Variants in MID2 observed in about 807,000 individuals in gnomAD.
MID2 encodes the protein probable E3 ubiquitin-protein ligase MID2.
A neutral mutation model predicts 46.1 loss-of-function variants in MID2; 13 were observed. That is an observed-to-expected ratio of 0.28 (90% CI 0.18 to 0.45). The LOEUF (loss-of-function observed/expected upper bound fraction) is 0.45. Among genes scored for constraint, MID2 ranks in the 20% least tolerant of loss-of-function variants. The pLI, the probability that MID2 is intolerant of heterozygous loss-of-function variation, is 1.00. For missense variants in MID2, 431 were observed against 575.4 expected, an observed-to-expected ratio of 0.75 and a Z score of 2.57; for synonymous variants, 199 against 212.3, an observed-to-expected ratio of 0.94 and a Z score of 0.55.
At chrX:107,924,587 C>A in intron 8 of MID2, 83 bp downstream of exon 8, 1 of 999,332 alleles carries the variant, frequency 1.0e-6, no homozygotes, top group South Asian at 2.1e-5. Flanking sequence ...GCACTCACAG[C>A]AGTGCATGGG....
At chrX:107,837,720 G>T (rs750385198) in intron 1 of MID2, among the ~76,000 whole-genome samples, 1 of 111,261 alleles carries the variant, frequency 9.0e-6, no homozygotes, top group Non-Finnish European at 1.9e-5. Flanking sequence ...TGTGCTCTGG[G>T]TATGTATGTT....
rs1933207931 is a variant in MID2, at chrX:107,927,688, T to TCATGG, written c.*615_*616insCATGG. On this transcript the variant is annotated 3_prime_UTR_variant, in exon 10 of 10. Coordinates refer to ENST00000262843, the MANE Select transcript of MID2 (RefSeq NM_012216.4). ...TATTACATATACACAAAAAACTTTT[T>TCATGG]TTTCCAAACACCACCTCGAACTAGA... Among the ~76,000 whole-genome samples the TCATGG allele has an allele frequency of 8.9e-6, 1 of 112,052 alleles. No homozygotes were observed. Among genetic ancestry groups the TCATGG allele is most frequent in the Non-Finnish European group, 1.9e-5 (1 of 53,175 alleles).
chrX:107,903,216 C>T (rs1445661491), intron 3 of MID2, among the ~76,000 whole-genome samples: 2 of 111,250 alleles, frequency 1.8e-5, no homozygotes, highest in African/African-American at 3.3e-5. Context: ...CCCAAAATCC[C>T]CTGCTCTCAT....
chrX:107,842,825 A>G (rs991054120), intron 2 of MID2, among the ~76,000 whole-genome samples: 1 of 112,072 alleles, frequency 8.9e-6, no homozygotes, highest in Admixed American at 9.5e-5. Context: ...GACTTGGTCT[A>G]GTCGAAGCGC....
chrX:107,913,176 C>T (rs999948242), intron 5 of MID2, among the ~76,000 whole-genome samples: 4 of 111,906 alleles, frequency 3.6e-5, no homozygotes, highest in African/African-American at 1.3e-4. Flanking sequence ...ATTTCACAAA[C>T]ATGATATGCT....
rs1201720928 is a variant in MID2, at chrX:107,929,979, A to G, written c.*2906A>G. On this transcript the variant is annotated 3_prime_UTR_variant, in exon 10 of 10. Transcript: ENST00000262843. The stretch of plus-strand genomic sequence containing the variant: ...TTCCCACTCCTGACCTAACCAGAAT[A>G]TCTGAGAACATAGGCAGGAATTTAC... 1.8e-5 allele frequency among the ~76,000 whole-genome samples: 2 copies of G among 112,040 alleles called. No individual in the cohort carries two copies. The highest frequency in any genetic ancestry group is 5.6e-4 in the East Asian group (2 of 3,580).
intron 3 of MID2, chrX:107,895,900 G>A (rs187780069): frequency 8.9e-6 from 1 of 112,021 alleles, no homozygotes; most frequent in Admixed American, 9.4e-5. Context: ...TGATGGAGTA[G>A]GAATCGATTA....
intron 6 of MID2, among the ~76,000 whole-genome samples, chrX:107,917,090 G>A (rs766765757): frequency 1.7e-4 from 19 of 111,973 alleles, no homozygotes; most frequent in African/African-American, 3.9e-4. Flanking sequence ...GCAGTGAGCC[G>A]AGATTGCGCC....
At chrX:107,905,009 A>G (rs1361188029) in intron 4 of MID2, among the ~76,000 whole-genome samples, 1 of 112,163 alleles carries the variant, frequency 8.9e-6, no homozygotes, top group Non-Finnish European at 1.9e-5. Context: ...AGAAATATGT[A>G]CATAGAACTG....
At chrX:107,897,088 T>C (rs1001195297) in intron 3 of MID2, among the ~76,000 whole-genome samples, 1 of 111,704 alleles carries the variant, frequency 9.0e-6, no homozygotes, top group African/African-American at 3.3e-5. Context: ...AAGTATTAAC[T>C]CTTATGTACT....
chrX:107,889,135 T>C (rs1932534569), intron 3 of MID2, among the ~76,000 whole-genome samples: 1 of 111,426 alleles, frequency 9.0e-6, no homozygotes, highest in South Asian at 3.8e-4. Flanking sequence ...AGGTTAATAT[T>C]GTTATGTGTG....
chrX:107,907,428 A>T (rs1285019627), intron 5 of MID2, among the ~76,000 whole-genome samples: 1 of 112,231 alleles, frequency 8.9e-6, no homozygotes, highest in African/African-American at 3.2e-5. Flanking sequence ...TCAACTTCTC[A>T]TATCAAACTT....
intron 2 of MID2, among the ~76,000 whole-genome samples, chrX:107,850,410 T>C (rs916740384): frequency 1.8e-5 from 2 of 112,116 alleles, no homozygotes; most frequent in African/African-American, 3.2e-5. Context: ...ATGTTCATTA[T>C]TGAGAATAAA....
At position 107,889,916 on chromosome X, in the gene MID2, C is replaced by G. The variant is rs766127619; in HGVS notation, c.817-14042C>G. Among the ~76,000 whole-genome samples, 5 of 112,207 alleles carry G rather than the reference C, an allele frequency of 4.5e-5. No individual in the cohort carries two copies. In the South Asian group the frequency reaches 1.5e-3, roughly 34 times the overall value. On this transcript the variant is annotated intron_variant, in intron 3 of 9. Transcript: ENST00000262843. ...TTCTTCCAGTTGATCGAATCAGCTA[C>G]TGAGGCTTGTGCATTCATCACATAG...
At chrX:107,838,649 G>T (rs1931260728) in intron 1 of MID2, among the ~76,000 whole-genome samples, 1 of 112,415 alleles carries the variant, frequency 8.9e-6, no homozygotes, top group South Asian at 3.7e-4. Flanking sequence ...CAGCTTTTAG[G>T]TGTACATCTA....
rs1569469890 is a variant in MID2, at chrX:107,905,638, A to G, written c.1073+12A>G. 2 of 1,165,232 alleles carry G rather than the reference A, an allele frequency of 1.7e-6. No individual in the cohort carries two copies. The highest frequency in any genetic ancestry group is 1.1e-6 in the Non-Finnish European group (1 of 871,010). ...AATATTGCTGAGAGGTCAGTTCCTT[A>G]TATTCTTTGGAAATGCCTGCTCTTG... On this transcript the variant is annotated intron_variant, in intron 5 of 9. Coordinates refer to ENST00000262843, the MANE Select transcript of MID2 (RefSeq NM_012216.4).
At chrX:107,872,781 G>C (rs938470206) in intron 3 of MID2, among the ~76,000 whole-genome samples, 4 of 112,120 alleles carry the variant, frequency 3.6e-5, no homozygotes, top group African/African-American at 1.3e-4. Flanking sequence ...AGTTCCTGTT[G>C]GAAATGGGCC....
At chrX:107,826,920 G>A (rs1930967442) in intron 1 of MID2, among the ~76,000 whole-genome samples, 1 of 113,305 alleles carries the variant, frequency 8.8e-6, no homozygotes, top group Non-Finnish European at 1.9e-5. Context: ...CGGCGGGGAG[G>A]CCCGGTGAAA....
At chrX:107,835,849 A>AT (rs1379389667) in intron 1 of MID2, among the ~76,000 whole-genome samples, 1 of 111,965 alleles carries the variant, frequency 8.9e-6, no homozygotes, top group Non-Finnish European at 1.9e-5. Flanking sequence ...CAGCACTCAA[A>AT]TTTTAAATTT....
Sources: allele counts gnomAD v4.1 joint callset (sites outside exome capture counted in the v4.1 genomes callset), GRCh38; gene constraint gnomAD v4.1.1; transcripts MANE v1.5; gene names NCBI Gene and HGNC (gene_info 2026-07-23, HGNC 2026-07-21).